Variants in PHLPP2 observed in about 807,000 individuals in gnomAD.
PHLPP2 encodes PH domain leucine-rich repeat-containing protein phosphatase 2.
PHLPP2 carries 66 observed loss-of-function variants against 124.9 expected under a neutral mutation model. The ratio of observed to expected loss-of-function variants is 0.53; its 90% confidence interval spans 0.43 to 0.65. PHLPP2 has a LOEUF of 0.65. Ranked by LOEUF, PHLPP2 falls within the 30% of genes least tolerant of loss-of-function variation. The probability of loss-of-function intolerance (pLI) is 0.00; values close to 1 mark genes in which losing one functional copy is unlikely to be tolerated. For missense variants in PHLPP2, 1,685 were observed against 1,600.4 expected (o/e 1.05, Z -0.90); for synonymous variants, 681 against 624.7 (o/e 1.09, Z -1.34).
rs754558664 is a variant in PHLPP2 at position 71,652,944 on chromosome 16, G to T, written c.2663C>A (p.Ala888Glu). Reference sequence around the variant, plus strand: ...GGCTACAGTCAAGCTAAAGCTACTTGCTGGATCGGCAGTGTCAGGGCGGAT... The same window carrying T: ...GGCTACAGTCAAGCTAAAGCTACTTTCTGGATCGGCAGTGTCAGGGCGGAT... ...CYIRPDTADP[A>E]SSFSLTVANV... Residue 888 changes from alanine to glutamate, a missense_variant, in exon 18 of 19, where the codon GCA (alanine) becomes GAA (glutamate). Ala to Glu is a moderately radical substitution (Grantham distance 107). Transcript: ENST00000568954. 4.5e-5 allele frequency: 72 copies of T among 1,613,984 alleles called. No individual in the cohort carries two copies. Among genetic ancestry groups the T allele is most frequent in the Non-Finnish European group, 6.0e-5 (71 of 1,180,024 alleles).
chr16:71,689,060 T>A (rs1186281605), intron 4 of PHLPP2, among the ~76,000 whole-genome samples: 3 of 152,122 alleles, frequency 2.0e-5, no homozygotes, highest in African/African-American at 7.2e-5. Context: ...AGGACCCCCA[T>A]TATGAGCAGA....
Sources: gnomAD v4.1 joint callset for allele counts (sites outside exome capture counted in the v4.1 genomes callset) on GRCh38, gnomAD v4.1.1 for gene constraint, MANE v1.5 for transcripts, NCBI Gene and HGNC (gene_info 2026-07-23, HGNC 2026-07-21) for gene names.